DSCAM: variants seen among roughly 807,000 people sequenced by gnomAD.
DSCAM encodes the protein cell adhesion molecule DSCAM.
In DSCAM, 47 loss-of-function variants were observed where a neutral mutation model predicts 217.7. The observed-to-expected ratio is 0.22, with a 90% CI of 0.17 to 0.28. DSCAM has a LOEUF of 0.28. Among genes scored for constraint, DSCAM ranks in the 10% least tolerant of loss-of-function variants. DSCAM has a pLI of 1.00. For synonymous variants in DSCAM, 1,056 were observed against 1,015.3 expected, an observed-to-expected ratio of 1.04 and a Z score of -0.76; for missense variants, 2,080 against 2,618.3, an observed-to-expected ratio of 0.79 and a Z score of 4.49.
At chr21:40,805,762 G>T (rs758693585) in intron 1 of DSCAM, among the ~76,000 whole-genome samples, 28 of 151,606 alleles carry the variant, frequency 1.8e-4, no homozygotes, top group Non-Finnish European at 4.0e-4. Flanking sequence ...AGGCTGGAGT[G>T]CAGTGGCCCC....
chr21:40,780,273 G>C (rs1303894498), intron 1 of DSCAM, among the ~76,000 whole-genome samples: 3 of 151,950 alleles, frequency 2.0e-5, no homozygotes, highest in Non-Finnish European at 4.4e-5. Flanking sequence ...CTGCATACTG[G>C]CATGATGAGG....
intron 3 of DSCAM, among the ~76,000 whole-genome samples, chr21:40,491,400 C>A (rs1041833004): frequency 1.3e-5 from 2 of 152,106 alleles, no homozygotes; most frequent in Non-Finnish European, 1.5e-5. Context: ...ATTGCTGGGA[C>A]TCTGGCAATT....
intron 9 of DSCAM, among the ~76,000 whole-genome samples, chr21:40,309,412 A>G (rs1800232746): frequency 6.6e-6 from 1 of 151,878 alleles, no homozygotes; most frequent in African/African-American, 2.4e-5. Context: ...TTTATTTCTG[A>G]TTTTGCTTCT....
intron 3 of DSCAM, among the ~76,000 whole-genome samples, chr21:40,434,404 T>A (rs567680703): frequency 1.3e-5 from 2 of 152,266 alleles, no homozygotes; most frequent in South Asian, 4.1e-4. Flanking sequence ...AACCCTTTCT[T>A]GAAAAACAGA....
chr21:40,035,397 A>G lies in DSCAM; in HGVS notation c.5686+6974T>C, dbSNP rs979061559. ...CAGATAAAACAGACTTCAAACCAAC[A>G]AAGATCAAAAGAGACAAAGAAGGCC... On this transcript the variant is annotated intron_variant, in intron 32 of 32. Transcript: ENST00000400454. Among the ~76,000 whole-genome samples the G allele has an allele frequency of 7.8e-5, 9 of 114,666 alleles. 1 individual carries two copies. Among genetic ancestry groups the G allele is most frequent in the African/African-American group, 3.1e-4 (8 of 26,072 alleles). 75.2% of individuals were successfully genotyped at this position (114,666 alleles called of 152,430 possible). A position where few individuals can be genotyped will look rare whatever the true frequency, so the allele number is the denominator to read the frequency against.
rs148251669 is a variant in DSCAM, at chr21:40,123,093, G to C, written c.3696+1102C>G. On this transcript the variant is annotated intron_variant, in intron 20 of 32. Transcript: ENST00000400454. ...CCACATGCATGAGGTCCCTAGAGGA[G>C]TCAAATCCAGAGACAGAAAGTAGAA... is the stretch of plus-strand genomic sequence containing the variant. 2.8e-3 allele frequency among the ~76,000 whole-genome samples: 425 copies of C among 152,290 alleles called. 1 individual carries two copies. Among genetic ancestry groups the C allele is most frequent in the African/African-American group, 9.0e-3 (374 of 41,550 alleles).
chr21:40,205,262 T>C (rs553483223), intron 11 of DSCAM, among the ~76,000 whole-genome samples: 1 of 110,968 alleles, frequency 9.0e-6, no homozygotes, highest in Non-Finnish European at 1.9e-5. Flanking sequence ...AAGCAGTGCA[T>C]GCTGGGGGCC....
chr21:40,191,156 G>A (rs1349973505), intron 11 of DSCAM, among the ~76,000 whole-genome samples: 1 of 152,150 alleles, frequency 6.6e-6, no homozygotes, highest in Non-Finnish European at 1.5e-5. Context: ...ACTGGGTCAT[G>A]TCTTTTCCCA....
chr21:40,073,205 G>A (rs761087353), intron 27 of DSCAM, among the ~76,000 whole-genome samples: 1 of 152,146 alleles, frequency 6.6e-6, no homozygotes, highest in African/African-American at 2.4e-5. Flanking sequence ...AGCTGAGAAG[G>A]ATGGAGAGCA....
chr21:40,200,473 G>A (rs996804830), intron 11 of DSCAM, among the ~76,000 whole-genome samples: 1 of 152,178 alleles, frequency 6.6e-6, no homozygotes, highest in African/African-American at 2.4e-5. Flanking sequence ...TGTAGCCTGT[G>A]TCTGAATTTC....
intron 3 of DSCAM, among the ~76,000 whole-genome samples, chr21:40,580,314 C>T (rs569699508): frequency 8.5e-5 from 13 of 152,074 alleles, no homozygotes; most frequent in Admixed American, 7.2e-4. Flanking sequence ...GGGTGGATCA[C>T]CTGAGGTCAT....
chr21:40,577,617 G>A (rs2076864072), intron 3 of DSCAM, among the ~76,000 whole-genome samples: 2 of 152,302 alleles, frequency 1.3e-5, no homozygotes, highest in South Asian at 2.1e-4. Flanking sequence ...ATTAGCCGGC[G>A]ACGAGAGACG....
intron 3 of DSCAM, among the ~76,000 whole-genome samples, chr21:40,619,105 T>C (rs2089445391): frequency 6.6e-6 from 1 of 152,080 alleles, no homozygotes; most frequent in Admixed American, 6.6e-5. Context: ...ACCATTAAAG[T>C]GAGGCATACA....
In DSCAM at chr21:40,248,894, G is replaced by A. The variant is rs192298054; in HGVS notation, c.2356+27203C>T. 1.1e-4 allele frequency among the ~76,000 whole-genome samples: 16 copies of A among 152,246 alleles called. 1 individual carries two copies. In the South Asian group the frequency reaches 2.3e-3, roughly 22 times the overall value. ...AGGCCTCAGAATCACGGCAGGAGGC[G>A]AAAGCCACTTCTTACATGGTGGCGG... On this transcript the variant is annotated intron_variant, in intron 11 of 32. Transcript: ENST00000400454.
intron 27 of DSCAM, among the ~76,000 whole-genome samples, chr21:40,068,068 G>A (rs747591303): frequency 6.6e-6 from 1 of 151,982 alleles, no homozygotes; most frequent in African/African-American, 2.4e-5. Context: ...TTGGCTCTGG[G>A]CTCCTCCCTT....
At chr21:40,320,603 T>G (rs2074248748) in intron 8 of DSCAM, among the ~76,000 whole-genome samples, 1 of 152,196 alleles carries the variant, frequency 6.6e-6, no homozygotes, top group Non-Finnish European at 1.5e-5. Context: ...TTAATTGGAC[T>G]TACAGGTCCA....
chr21:40,269,162 C>T (rs2073580682), intron 11 of DSCAM, among the ~76,000 whole-genome samples: 1 of 152,130 alleles, frequency 6.6e-6, no homozygotes, highest in East Asian at 1.9e-4. Context: ...ATGCAAAAAC[C>T]CTGACCCACA....
intron 11 of DSCAM, among the ~76,000 whole-genome samples, chr21:40,231,530 TCTTG>T (rs1038195192): frequency 9.2e-5 from 14 of 152,082 alleles, no homozygotes; most frequent in African/African-American, 3.4e-4. Flanking sequence ...TTAGACAGTG[TCTTG>T]CTTTGTTGCT....
intron 9 of DSCAM, among the ~76,000 whole-genome samples, chr21:40,299,641 C>A (rs1400993514): frequency 2.0e-5 from 3 of 152,090 alleles, no homozygotes; most frequent in Non-Finnish European, 4.4e-5. Flanking sequence ...TTTGAGACAG[C>A]TGCATCACCA....
Sources: allele counts gnomAD v4.1 joint callset (sites outside exome capture counted in the v4.1 genomes callset), GRCh38; gene constraint gnomAD v4.1.1; transcripts MANE v1.5; gene names NCBI Gene and HGNC (gene_info 2026-07-23, HGNC 2026-07-21).